Variants in FAT4 observed in about 807,000 individuals in gnomAD.
FAT4 encodes the protein FAT atypical cadherin 4, also known as protocadherin Fat 4.
FAT4 carries 84 observed loss-of-function variants against 303.9 expected under a neutral mutation model. The ratio of observed to expected loss-of-function variants is 0.28; its 90% CI spans 0.23 to 0.33. FAT4 has a LOEUF of 0.33. Ranked by LOEUF, FAT4 falls within the 10% of genes least tolerant of loss-of-function variation. The pLI is 1.00. For missense variants in FAT4, 6,005 were observed against 6,146.8 expected (o/e 0.98, Z 0.77); for synonymous variants, 2,307 against 2,298.8 (o/e 1.00, Z -0.10).
At chr4:125,454,527 T>C (rs1578664900) in intron 10 of FAT4, among the ~76,000 whole-genome samples, 1 of 148,248 alleles carries the variant, frequency 6.7e-6, no homozygotes, top group Middle Eastern at 3.5e-3. Context: ...TGAGTAAATA[T>C]AATGTTTGTA....
intron 11 of FAT4, among the ~76,000 whole-genome samples, chr4:125,466,836 A>G (rs1032028282): frequency 2.0e-4 from 30 of 149,276 alleles, no homozygotes; most frequent in African/African-American, 2.0e-4. Flanking sequence ...GTGCAGTGGC[A>G]TGTTCTAGGC....
chr4:125,446,219 T>A, intron 8 of FAT4, 74 bp from the exon 9 acceptor site: 1 of 1,322,156 alleles, frequency 7.6e-7, no homozygotes, highest in Non-Finnish European at 1.0e-6. Flanking sequence ...CTACCTCAGT[T>A]TTTTAATTAT....
intron 2 of FAT4, among the ~76,000 whole-genome samples, chr4:125,374,799 A>AT (rs1733251218): frequency 2.6e-5 from 4 of 152,230 alleles, no homozygotes; most frequent in Admixed American, 6.5e-5. Flanking sequence ...CTAAACTCAG[A>AT]TGAAATAATT....
chr4:125,453,604 G>A (rs890880871), intron 10 of FAT4, among the ~76,000 whole-genome samples: 1 of 152,022 alleles, frequency 6.6e-6, no homozygotes, highest in Middle Eastern at 3.2e-3. Flanking sequence ...TACTCGGGAG[G>A]CTGAGGCAGA....
chr4:125,371,258 A>G (rs1345263509), intron 2 of FAT4, among the ~76,000 whole-genome samples: 1 of 151,878 alleles, frequency 6.6e-6, no homozygotes, highest in African/African-American at 2.4e-5. Flanking sequence ...TCTAACATAA[A>G]TATTGGATCA....
chr4:125,343,117 T>A (rs1347373038), intron 2 of FAT4, among the ~76,000 whole-genome samples: 1 of 152,266 alleles, frequency 6.6e-6, no homozygotes, highest in Admixed American at 6.5e-5. Context: ...TATTCATATA[T>A]TTTGGTTTCC....
At chr4:125,478,644 C>T (rs1019137605) in intron 14 of FAT4, among the ~76,000 whole-genome samples, 1 of 152,048 alleles carries the variant, frequency 6.6e-6, no homozygotes, top group African/African-American at 2.4e-5. Flanking sequence ...CAATTATCTG[C>T]CTCAGCCTCC....
At chr4:125,416,064 T>C (rs1288617327) in intron 6 of FAT4, among the ~76,000 whole-genome samples, 1 of 152,232 alleles carries the variant, frequency 6.6e-6, no homozygotes, top group African/African-American at 2.4e-5. Flanking sequence ...CACATTTATG[T>C]ATTTGTGTTT....
intron 10 of FAT4, among the ~76,000 whole-genome samples, chr4:125,457,811 G>A (rs1726337101): frequency 6.6e-6 from 1 of 151,982 alleles, no homozygotes; most frequent in South Asian, 2.1e-4. Context: ...TATTATTCCT[G>A]CCACATAAGT....
chr4:125,318,713 G>A lies in FAT4; in HGVS notation c.2302G>A (p.Gly768Ser). 1 of 1,614,022 alleles carries A rather than the reference G, an allele frequency of 6.2e-7. No homozygotes were observed. The highest frequency in any genetic ancestry group is 8.5e-7 in the Non-Finnish European group (1 of 1,179,940). Residue 768 changes from glycine to serine, a missense_variant, in exon 2 of 18, where the codon GGT becomes AGT. Coordinates refer to ENST00000394329, the MANE Select transcript of FAT4 (RefSeq NM_001291303.3). Reference protein sequence around the residue: ...AYQLQIVATDGGNLQSPNQAI... With the variant: ...AYQLQIVATDSGNLQSPNQAI... The stretch of plus-strand genomic sequence containing the variant: ...TCAGTTGCAAATAGTAGCTACTGAT[G>A]GTGGCAATTTACAATCTCCCAACCA...
At chr4:125,434,873 C>G (rs568330092) in intron 8 of FAT4, among the ~76,000 whole-genome samples, 23 of 152,252 alleles carry the variant, frequency 1.5e-4, no homozygotes, top group African/African-American at 5.5e-4. Context: ...GGTTCTTTAG[C>G]AAAGTAGTTG....
intron 2 of FAT4, among the ~76,000 whole-genome samples, chr4:125,357,342 T>C (rs931168629): frequency 6.6e-6 from 1 of 152,158 alleles, no homozygotes; most frequent in African/African-American, 2.4e-5. Flanking sequence ...TAATAAAATT[T>C]GTCATTTTCT....
chr4:125,344,872 C>T (rs1470645138), intron 2 of FAT4, among the ~76,000 whole-genome samples: 3 of 152,028 alleles, frequency 2.0e-5, no homozygotes, highest in East Asian at 1.9e-4. Context: ...CTCACTCATC[C>T]CTGGGTCCTC....
chr4:125,446,080 C>T (rs1725816313), intron 8 of FAT4: 1 of 439,452 alleles, frequency 2.3e-6, no homozygotes, highest in Non-Finnish European at 4.1e-6. Flanking sequence ...TCCTTGACAT[C>T]ACTGGACATC....
In FAT4 at chr4:125,490,986, C is replaced by T; in HGVS notation, c.14170C>T (p.His4724Tyr). The change falls in exon 18 of 18, where the codon CAT (histidine) becomes TAT (tyrosine). Residue 4724 changes from histidine (H) to tyrosine (Y), a missense_variant. Coordinates refer to ENST00000394329, the MANE Select transcript of FAT4 (RefSeq NM_001291303.3). Reference protein sequence around the residue: ...FYRNSPARELHLPIRDGNTLE... With the variant: ...FYRNSPARELYLPIRDGNTLE... ...TAGAAACAGCCCAGCAAGGGAATTGCATCTTCCTATAAGGGATGGTAATAC... is the reference window on the plus strand; with the variant it reads ...TAGAAACAGCCCAGCAAGGGAATTGTATCTTCCTATAAGGGATGGTAATAC... 2.5e-6 allele frequency: 4 copies of T among 1,614,200 alleles called. No homozygotes were observed. Among genetic ancestry groups the T allele is most frequent in the Non-Finnish European group, 3.4e-6 (4 of 1,180,038 alleles).
At chr4:125,478,497 G>T (rs189192898) in intron 14 of FAT4, among the ~76,000 whole-genome samples, 44 of 151,892 alleles carry the variant, frequency 2.9e-4, no homozygotes, top group Non-Finnish European at 2.9e-5. Context: ...CTCTGTTTCT[G>T]TTAGACCTTA....
intron 8 of FAT4, 54 bp from the exon 9 acceptor site, chr4:125,446,239 A>C: frequency 1.4e-6 from 2 of 1,450,220 alleles, no homozygotes; most frequent in Non-Finnish European, 1.9e-6. Context: ...TAGTAAATAG[A>C]AGTTACGATA....
intron 2 of FAT4, chr4:125,393,893 C>T (rs767105348): frequency 1.3e-6 from 1 of 777,276 alleles, no homozygotes; most frequent in Non-Finnish European, 2.4e-6. Flanking sequence ...GCTCAGGGCT[C>T]AGGTGACTCA....
At chr4:125,448,328 C>T in intron 9 of FAT4, 133 bp from the exon 10 acceptor site, 2 of 790,106 alleles carry the variant, frequency 2.5e-6, no homozygotes, top group Non-Finnish European at 2.0e-6. Flanking sequence ...ATAGGAGATA[C>T]TGTTCTCCCT....
Sources: allele counts gnomAD v4.1 joint callset (sites outside exome capture counted in the v4.1 genomes callset), GRCh38; gene constraint gnomAD v4.1.1; transcripts MANE v1.5; gene names NCBI Gene and HGNC (gene_info 2026-07-23, HGNC 2026-07-21).